MASTL: variants seen among roughly 807,000 people sequenced by gnomAD.
MASTL encodes microtubule associated serine/threonine kinase like.
In MASTL, 54 loss-of-function variants were observed where a neutral mutation model predicts 82.5. That is an observed-to-expected ratio of 0.65 (90% confidence interval 0.53 to 0.82). The LOEUF is 0.82. Among genes scored for constraint, MASTL ranks in the 40% least tolerant of loss-of-function variants. MASTL has a pLI of 0.00. For missense variants in MASTL, 950 were observed against 1,047.8 expected, an observed-to-expected ratio of 0.91 and a Z score of 1.29; for synonymous variants, 323 against 368.9, an observed-to-expected ratio of 0.88 and a Z score of 1.43.
Position 27,186,879 on chromosome 10 carries a change from T to G in MASTL, c.*343T>G. 3.2e-6 allele frequency: 1 copy of G among 310,268 alleles called. No individual in the cohort carries two copies. 19.2% of individuals were successfully genotyped at this position (310,268 alleles called of 1,614,324 possible). A position where few individuals can be genotyped will look rare whatever the true frequency, so the allele number is the denominator to read the frequency against. On this transcript the variant is annotated 3_prime_UTR_variant, in exon 12 of 12. Transcript: ENST00000375940. Reference sequence around the variant, plus strand: ...TTTCTCCTCTGATTTCAGTTCACTGTTCAGTTTAGCATTAAAATAATAAAA... The same window carrying G: ...TTTCTCCTCTGATTTCAGTTCACTGGTCAGTTTAGCATTAAAATAATAAAA...
Position 27,159,847 on chromosome 10 carries a change from C to A in MASTL, c.464+89C>A. The A allele has an allele frequency of 1.8e-6, 2 of 1,112,680 alleles. No individual in the cohort carries two copies. Among genetic ancestry groups the A allele is most frequent in the Non-Finnish European group, 2.7e-6 (2 of 736,176 alleles). The allele number at this position is 1,112,680 out of a possible 1,614,324, so 68.9% of individuals were successfully genotyped here. A position where few individuals can be genotyped will look rare whatever the true frequency, so the allele number is the denominator to read the frequency against. On this transcript the variant is annotated intron_variant, in intron 3 of 11. Coordinates refer to ENST00000375940, the MANE Select transcript of MASTL (RefSeq NM_001172303.3). The surrounding 1 kb of genome is among the most constrained non-coding windows in gnomAD (Gnocchi z 4.0). ...CTCAGATATTCACAGTAACCACTTGCACTTATTTCCAGGTTATCTAAAGTT... is the reference window on the plus strand; with the variant it reads ...CTCAGATATTCACAGTAACCACTTGAACTTATTTCCAGGTTATCTAAAGTT...
At chr10:27,156,936 G>C (rs948199640) in intron 1 of MASTL, among the ~76,000 whole-genome samples, 6 of 150,468 alleles carry the variant, frequency 4.0e-5, no homozygotes, top group Admixed American at 3.3e-4. Context: ...AGCCTCCCGA[G>C]TAGTTGGGAT....
At chr10:27,183,816 AT>A (rs1342552068) in intron 11 of MASTL, among the ~76,000 whole-genome samples, 1 of 151,852 alleles carries the variant, frequency 6.6e-6, no homozygotes, top group African/African-American at 2.4e-5. Context: ...GGCTCAAGCA[AT>A]TCTTCCACCT....
In MASTL at chr10:27,165,372, T is replaced by C. The variant is rs1564487946; in HGVS notation, c.661-17T>C. The C allele has an allele frequency of 1.2e-6, 2 of 1,613,754 alleles. No homozygotes were observed. The highest frequency in any genetic ancestry group is 2.7e-5 in the African/African-American group (2 of 75,036). On this transcript the variant is annotated splice_polypyrimidine_tract_variant and intron_variant, in intron 5 of 11. Coordinates refer to ENST00000375940, the MANE Select transcript of MASTL (RefSeq NM_001172303.3). ...GGGAAGGTAAACCTGTTGTTTTTAT[T>C]TTTCTCTTTTTAATAGAACACACCA...
At chr10:27,182,173 C>G (rs2058356891) in intron 11 of MASTL, among the ~76,000 whole-genome samples, 1 of 151,706 alleles carries the variant, frequency 6.6e-6, no homozygotes, top group South Asian at 2.1e-4. Flanking sequence ...ATCGCTTCAA[C>G]CCGGGAGGCG....
intron 9 of MASTL, among the ~76,000 whole-genome samples, chr10:27,176,904 G>GGC (rs1294448660): frequency 2.7e-5 from 4 of 149,736 alleles, no homozygotes; most frequent in Non-Finnish European, 5.9e-5. Context: ...GGAGTGCAGT[G>GGC]GCGCAGTCTT....
At chr10:27,184,968 G>C (rs900820696) in intron 11 of MASTL, among the ~76,000 whole-genome samples, 1 of 152,186 alleles carries the variant, frequency 6.6e-6, no homozygotes, top group African/African-American at 2.4e-5. Flanking sequence ...AAGCAGAGCA[G>C]CTCAGTGATA....
chr10:27,171,820 T>C (rs1325692904), intron 8 of MASTL, among the ~76,000 whole-genome samples: 1 of 120,734 alleles, frequency 8.3e-6, no homozygotes, highest in South Asian at 2.7e-4. Context: ...TTGAAAAATA[T>C]GTTTCTTTTT....
chr10:27,156,877 C>T (rs1206798020), intron 1 of MASTL, among the ~76,000 whole-genome samples: 2 of 138,280 alleles, frequency 1.4e-5, no homozygotes, highest in African/African-American at 5.5e-5. Context: ...GACGTGATCT[C>T]AGCTCACTGC....
intron 6 of MASTL, 145 bp from the exon 7 acceptor site, chr10:27,166,957 A>C: frequency 1.5e-6 from 1 of 676,666 alleles, no homozygotes; most frequent in Non-Finnish European, 2.6e-6. Flanking sequence ...GATAGTGTTT[A>C]CAAAGAAATA....
chr10:27,180,573 G>C (rs2058241411), intron 9 of MASTL, among the ~76,000 whole-genome samples: 1 of 152,074 alleles, frequency 6.6e-6, no homozygotes, highest in African/African-American at 2.4e-5. Context: ...TGTATTTTTA[G>C]TACAGACAGG....
At chr10:27,156,894 C>T (rs2057408004) in intron 1 of MASTL, among the ~76,000 whole-genome samples, 1 of 143,104 alleles carries the variant, frequency 7.0e-6, no homozygotes, top group Non-Finnish European at 1.5e-5. Flanking sequence ...CTGCAACCTC[C>T]ACTTCCCGGG....
chr10:27,165,330 A>G (rs1212220534), intron 5 of MASTL, 59 bp from the exon 6 acceptor site: 82 of 1,555,972 alleles, frequency 5.3e-5, no homozygotes, highest in Non-Finnish European at 3.5e-5. Context: ...CAGTCTATGT[A>G]CTTAGGTGGT....
In MASTL at chr10:27,171,037, T is replaced by C. The variant is rs2057915278; in HGVS notation, c.2078T>C (p.Met693Thr). 7 of 1,614,104 alleles carry C rather than the reference T, an allele frequency of 4.3e-6. No individual in the cohort carries two copies. In the East Asian group the frequency reaches 1.6e-4, roughly 36 times the overall value. Reference protein sequence around the residue: ...ISCAYSGSYPMAITPTQKRRS... With the variant: ...ISCAYSGSYPTAITPTQKRRS... ...TGTGCCTACAGTGGTTCATATCCCA[T>C]GGCTATAACCCCTACTCAAAAAAGA... The change falls in exon 8 of 12, where the codon ATG becomes ACG. Residue 693 changes from methionine (M) to threonine (T), a missense_variant. Physicochemically the swap from Met to Thr is moderately conservative, Grantham distance 81. Coordinates refer to ENST00000375940, the MANE Select transcript of MASTL (RefSeq NM_001172303.3).
intron 4 of MASTL, 25 bp from the exon 5 acceptor site, chr10:27,165,039 T>A (rs2057697285): frequency 7.2e-7 from 1 of 1,382,636 alleles, no homozygotes; most frequent in Admixed American, 1.7e-5. Context: ...TAAATACATT[T>A]ATATACTTTT....
Position 27,170,508 on chromosome 10 carries a change from C to A in MASTL, c.1549C>A (p.Gln517Lys). 6.2e-7 allele frequency: 1 copy of A among 1,613,862 alleles called. No homozygotes were observed. The highest frequency in any genetic ancestry group is 8.5e-7 in the Non-Finnish European group (1 of 1,179,906). The part of the protein sequence containing the change: ...ENIVNSFTDK[Q>K]QTPEKLPIPM... Reference sequence around the variant, plus strand: ...CATTGTCAATTCTTTTACTGATAAACAACAAACACCAGAAAAATTACCTAT... The same window carrying A: ...CATTGTCAATTCTTTTACTGATAAAAAACAAACACCAGAAAAATTACCTAT... The change falls in exon 8 of 12, where the codon CAA becomes AAA. Residue 517 changes from glutamine to lysine, a missense_variant. Coordinates refer to ENST00000375940, the MANE Select transcript of MASTL (RefSeq NM_001172303.3).
Position 27,159,782 on chromosome 10 carries a change from A to C in MASTL, c.464+24A>C. On this transcript the variant is annotated intron_variant, in intron 3 of 11. Transcript: ENST00000375940. This position sits in a 1 kb window ranked among gnomAD's most constrained non-coding sequence, Gnocchi z 4.0. ...AGGTAAAGACTGACTTCTCCAAATT[A>C]TTACTTAAAAATTCAAGTAATCAAA... 6.3e-7 allele frequency: 1 copy of C among 1,597,620 alleles called. No homozygotes were observed. Among genetic ancestry groups the C allele is most frequent in the African/African-American group, 1.3e-5 (1 of 74,686 alleles).
At chr10:27,182,750 ATTAT>A (rs138852277) in intron 11 of MASTL, among the ~76,000 whole-genome samples, 3,309 of 151,886 alleles carry the variant, frequency 0.022, 120 homozygotes, top group African/African-American at 0.076. Flanking sequence ...CTCAAAAAAA[ATTAT>A]TTATCTCAAG....
intron 4 of MASTL, among the ~76,000 whole-genome samples, chr10:27,161,521 G>T (rs1259275264): frequency 2.1e-5 from 3 of 143,422 alleles, no homozygotes; most frequent in Non-Finnish European, 4.5e-5. Context: ...AAAAAAAAAA[G>T]TCCAACTAAA....
Sources: gnomAD v4.1 joint callset for allele counts (sites outside exome capture counted in the v4.1 genomes callset) on GRCh38, gnomAD v4.1.1 for gene constraint, Gnocchi (gnomAD v3.1) non-coding constraint, MANE v1.5 for transcripts, NCBI Gene and HGNC (gene_info 2026-07-23, HGNC 2026-07-21) for gene names.